EPM2A: variants seen among roughly 807,000 people sequenced by gnomAD.
EPM2A encodes the protein laforin.
A neutral mutation model predicts 26.5 loss-of-function variants in EPM2A; 21 were observed. The ratio of observed to expected loss-of-function variants is 0.79; its 90% CI spans 0.56 to 1.14. The LOEUF (loss-of-function observed/expected upper bound fraction) is 1.14, where lower values mean the gene tolerates loss of function less well. EPM2A is among the 50% of genes most tolerant of loss of function. The pLI is 0.00. For missense variants in EPM2A, 458 were observed against 440.8 expected (o/e 1.04, Z -0.35); for synonymous variants, 217 against 177.6 (o/e 1.22, Z -1.76).
intron 4 of EPM2A, among the ~76,000 whole-genome samples, chr6:145,449,593 C>G (rs904756612): frequency 6.6e-5 from 10 of 152,156 alleles, no homozygotes; most frequent in Non-Finnish European, 1.0e-4. Flanking sequence ...AGCTTTGCTA[C>G]CCAGTTCCAG....
rs1778804798 is a variant in EPM2A, at chr6:145,422,697, A to T, written c.556-38600T>A. 1.3e-5 allele frequency among the ~76,000 whole-genome samples: 2 copies of T among 152,040 alleles called. 1 individual carries two copies. Among genetic ancestry groups the T allele is most frequent in the South Asian group, 4.1e-4 (2 of 4,834 alleles). ...TATTACCACCATTTTTATATGTGAA[A>T]TTGATTTTTTTCTCAGTTTTATTGG... is the stretch of plus-strand genomic sequence containing the variant. On this transcript the variant is annotated intron_variant, in intron 4 of 4. Coordinates refer to the EPM2A transcript ENST00000638717.
At chr6:145,544,853 C>A (rs1412548624) in intron 2 of EPM2A, among the ~76,000 whole-genome samples, 1 of 152,080 alleles carries the variant, frequency 6.6e-6, no homozygotes. Context: ...CAGGGTAGGA[C>A]CCCTGACTAA....
chr6:145,499,797 G>T (rs1234948974), downstream of EPM2A, among the ~76,000 whole-genome samples: 1 of 152,170 alleles, frequency 6.6e-6, no homozygotes, highest in Non-Finnish European at 1.5e-5. Context: ...TATAATGGTT[G>T]TAAGGGAGTC....
chr6:145,386,688 AT>A (rs1778266223), intron 4 of EPM2A, among the ~76,000 whole-genome samples: 1 of 152,234 alleles, frequency 6.6e-6, no homozygotes, highest in Non-Finnish European at 1.5e-5. Context: ...ATAAAAGGCC[AT>A]ATTCTGATGT....
intron 4 of EPM2A, among the ~76,000 whole-genome samples, chr6:145,488,585 T>C (rs1455330145): frequency 6.6e-6 from 1 of 151,626 alleles, no homozygotes; most frequent in African/African-American, 2.4e-5. Context: ...ATTAAAAATA[T>C]TTAGACATTT....
intron 2 of EPM2A, among the ~76,000 whole-genome samples, chr6:145,583,448 G>A (rs1781143027): frequency 6.6e-6 from 1 of 152,152 alleles, no homozygotes; most frequent in South Asian, 2.1e-4. Flanking sequence ...GCACTCCTGT[G>A]CTGTGTTTTC....
At chr6:145,449,119 CA>C (rs1374094642) in intron 4 of EPM2A, among the ~76,000 whole-genome samples, 1 of 152,170 alleles carries the variant, frequency 6.6e-6, no homozygotes, top group African/African-American at 2.4e-5. Context: ...ACAATTTTGT[CA>C]GGGCTACTGT....
intron 4 of EPM2A, among the ~76,000 whole-genome samples, chr6:145,387,274 CACCTT>C (rs1778275406): frequency 2.0e-5 from 3 of 152,154 alleles, no homozygotes; most frequent in African/African-American, 7.2e-5. Context: ...TTCCCTCCAA[CACCTT>C]CTACATCTCA....
At position 145,505,030 on chromosome 6, in the gene EPM2A, G is replaced by T. The variant is rs1362031738; in HGVS notation, c.341-2455C>A. 1.0e-4 allele frequency among the ~76,000 whole-genome samples: 13 copies of T among 125,954 alleles called. No individual in the cohort carries two copies. In the South Asian group the frequency reaches 2.8e-3, roughly 27 times the overall value. The allele number at this position is 125,954 out of a possible 152,430, so 82.6% of individuals were successfully genotyped here. Reference sequence around the variant, plus strand: ...AAACACCGCATATTCTCACTGATAGGTGGGAATTGAACAATGAGATCACAT... The same window carrying T: ...AAACACCGCATATTCTCACTGATAGTTGGGAATTGAACAATGAGATCACAT... On this transcript the variant is annotated intron_variant, in intron 2 of 3. Transcript: ENST00000450221.
chr6:145,581,190 GC>G (rs762174957), intron 2 of EPM2A, among the ~76,000 whole-genome samples: 1 of 152,126 alleles, frequency 6.6e-6, no homozygotes. Context: ...TTTAGTAATA[GC>G]CATTCCGACT....
intron 1 of EPM2A, among the ~76,000 whole-genome samples, chr6:145,704,300 A>C (rs1782094460): frequency 6.6e-6 from 1 of 152,240 alleles, no homozygotes; most frequent in Admixed American, 6.5e-5. Flanking sequence ...CTTATTTAAA[A>C]TAGTTATCAA....
intron 4 of EPM2A, among the ~76,000 whole-genome samples, chr6:145,399,642 C>T (rs898036219): frequency 6.6e-6 from 1 of 152,082 alleles, no homozygotes; most frequent in African/African-American, 2.4e-5. Context: ...TTAGAGACTT[C>T]TTCTGGCCCA....
chr6:145,497,188 C>T (rs1367197756), downstream of EPM2A, among the ~76,000 whole-genome samples: 5 of 152,164 alleles, frequency 3.3e-5, no homozygotes, highest in Non-Finnish European at 7.3e-5. Flanking sequence ...CATTCTTTTG[C>T]ATATTTGTGG....
intron 4 of EPM2A, among the ~76,000 whole-genome samples, chr6:145,443,522 C>T (rs1182506733): frequency 6.6e-6 from 1 of 152,136 alleles, no homozygotes; most frequent in Admixed American, 6.6e-5. Flanking sequence ...CTTGATTTGG[C>T]TCTCAGCTTG....
chr6:145,502,594 G>A (rs1478099780), intron 2 of EPM2A: 2 of 470,920 alleles, frequency 4.2e-6, no homozygotes, highest in Non-Finnish European at 4.4e-6. Flanking sequence ...AGGAGGAGAG[G>A]AGTGGCAGCT....
At chr6:145,452,428 G>A (rs1490590939) in intron 4 of EPM2A, among the ~76,000 whole-genome samples, 2 of 142,078 alleles carry the variant, frequency 1.4e-5, no homozygotes, top group African/African-American at 5.3e-5. Flanking sequence ...GGCAGAGCAC[G>A]AGGTCAGGAG....
intron 2 of EPM2A, among the ~76,000 whole-genome samples, chr6:145,562,305 G>A (rs1230527036): frequency 6.6e-6 from 1 of 151,494 alleles, no homozygotes; most frequent in Non-Finnish European, 1.5e-5. Flanking sequence ...GTTTTAAAAT[G>A]TCCTTCTGGA....
At chr6:145,735,538 C>T, upstream of EPM2A, 1 of 1,160,714 alleles carries the variant, frequency 8.6e-7, no homozygotes, top group Non-Finnish European at 1.1e-6. Flanking sequence ...CCCGGAGTCC[C>T]CGCGGCCGGC....
intron 2 of EPM2A, among the ~76,000 whole-genome samples, chr6:145,503,484 C>A (rs1779924896): frequency 2.1e-5 from 2 of 95,858 alleles, no homozygotes; most frequent in South Asian, 4.4e-4. Context: ...GAGTGAACTC[C>A]CATTCACAAT....
Sources: gnomAD v4.1 joint callset for allele counts (sites outside exome capture counted in the v4.1 genomes callset) on GRCh38, gnomAD v4.1.1 for gene constraint, MANE v1.5 for transcripts, NCBI Gene and HGNC (gene_info 2026-07-23, HGNC 2026-07-21) for gene names.